PDE4D: variants seen among roughly 807,000 people sequenced by gnomAD.
The protein encoded by PDE4D is 3',5'-cyclic-AMP phosphodiesterase 4D.
Under a neutral mutation model 87.4 loss-of-function variants are expected in PDE4D, and 24 were observed. The observed-to-expected ratio is 0.27, with a 90% confidence interval of 0.20 to 0.39. PDE4D has a LOEUF of 0.39. Ranked by LOEUF, PDE4D falls within the 10% of genes least tolerant of loss-of-function variation. PDE4D has a pLI of 1.00. For synonymous variants in PDE4D, 384 were observed against 383.2 expected, an observed-to-expected ratio of 1.00 and a Z score of -0.02; for missense variants, 714 against 1,041.0, an observed-to-expected ratio of 0.69 and a Z score of 4.32.
At chr5:59,916,905 A>G (rs965501721) in intron 3 of PDE4D, among the ~76,000 whole-genome samples, 2 of 149,110 alleles carry the variant, frequency 1.3e-5, no homozygotes, top group Non-Finnish European at 3.0e-5. Context: ...TTCCTGCCTC[A>G]GCCTCCCAAG....
chr5:60,358,185 T>C (rs894073111), intron 1 of PDE4D, among the ~76,000 whole-genome samples: 5 of 152,166 alleles, frequency 3.3e-5, no homozygotes, highest in Non-Finnish European at 7.3e-5. Context: ...TCCTAGTGAC[T>C]GATGTGGTTG....
At chr5:59,587,083 C>T (rs1825260313) in intron 1 of PDE4D, 1 of 724,524 alleles carries the variant, frequency 1.4e-6, no homozygotes, top group Non-Finnish European at 1.7e-6. Flanking sequence ...TTACCATTAA[C>T]TACCATCATG....
At chr5:59,342,585 G>A (rs10471469) in intron 1 of PDE4D, among the ~76,000 whole-genome samples, 16,666 of 152,038 alleles carry the variant, frequency 0.11, 1,101 homozygotes, top group East Asian at 0.31. Context: ...GGAGGAATGG[G>A]ACAGAGTTTA....
chr5:59,637,324 G>A (rs1233886419), intron 1 of PDE4D, among the ~76,000 whole-genome samples: 1 of 152,158 alleles, frequency 6.6e-6, no homozygotes, highest in Non-Finnish European at 1.5e-5. Flanking sequence ...AACCATCGTG[G>A]AAGACAGTGT....
intron 1 of PDE4D, among the ~76,000 whole-genome samples, chr5:60,519,190 A>T (rs1561329229): frequency 6.6e-6 from 1 of 152,218 alleles, no homozygotes; most frequent in East Asian, 1.9e-4. Flanking sequence ...ACATTTAGAC[A>T]TTGCTTATGT....
chr5:59,859,955 A>G lies in PDE4D; in HGVS notation c.455+33213T>C, dbSNP rs374096118. Among the ~76,000 whole-genome samples the G allele has an allele frequency of 3.9e-5, 6 of 152,364 alleles. No individual in the cohort carries two copies. In the East Asian group the frequency reaches 1.2e-3, roughly 29 times the overall value. On this transcript the variant is annotated intron_variant, in intron 1 of 14. Coordinates refer to ENST00000340635, the MANE Select transcript of PDE4D (RefSeq NM_001104631.2). ...GGGATTGTAGTTGGAAGAGGCCCAC[A>G]GACTCTTAAACAGAATTTGGGAAGA... is the stretch of plus-strand genomic sequence containing the variant.
intron 1 of PDE4D, among the ~76,000 whole-genome samples, chr5:59,571,459 T>C (rs1385654481): frequency 1.3e-5 from 2 of 152,202 alleles, no homozygotes; most frequent in African/African-American, 4.8e-5. Context: ...TATAATGAAC[T>C]TGAATGAAGA....
intron 1 of PDE4D, among the ~76,000 whole-genome samples, chr5:59,826,597 T>C (rs1040624572): frequency 6.6e-6 from 1 of 152,046 alleles, no homozygotes; most frequent in Middle Eastern, 3.2e-3. Context: ...TTTGAATAAG[T>C]ACCAAGTACC....
chr5:60,112,540 A>C lies in PDE4D; in HGVS notation c.42+73017T>G, dbSNP rs1777781755. Among the ~76,000 whole-genome samples, 5 of 152,180 alleles carry C rather than the reference A, an allele frequency of 3.3e-5. No individual in the cohort carries two copies. The South Asian group carries it at 1.0e-3, about 32-fold the overall frequency. ...AGTCACAACTTGAATGACTTATTTTATTGGGTATTCTACTTAGTCAAAATA... is the reference window on the plus strand; with the variant it reads ...AGTCACAACTTGAATGACTTATTTTCTTGGGTATTCTACTTAGTCAAAATA... On this transcript the variant is annotated intron_variant, in intron 2 of 16. Transcript: ENST00000502484.
chr5:59,214,874 A>G (rs1750880156), intron 2 of PDE4D, among the ~76,000 whole-genome samples: 1 of 152,206 alleles, frequency 6.6e-6, no homozygotes, highest in Non-Finnish European at 1.5e-5. Context: ...GGCAAGAATA[A>G]CACTAGACAC....
At chr5:59,176,245 C>T (rs1783867935) in intron 5 of PDE4D, among the ~76,000 whole-genome samples, 1 of 151,502 alleles carries the variant, frequency 6.6e-6, no homozygotes, top group South Asian at 2.1e-4. Context: ...AGCTTTAAAA[C>T]CCTAATGCTA....
intron 1 of PDE4D, among the ~76,000 whole-genome samples, chr5:59,872,931 G>A (rs982609915): frequency 2.6e-5 from 4 of 152,036 alleles, no homozygotes; most frequent in African/African-American, 9.7e-5. Context: ...CACCCTCTTA[G>A]ATACAACGAA....
chr5:59,582,379 T>C (rs1046197946), intron 1 of PDE4D, among the ~76,000 whole-genome samples: 29 of 152,156 alleles, frequency 1.9e-4, no homozygotes, highest in Non-Finnish European at 3.2e-4. Context: ...TTTCTGTAAT[T>C]TCAATGTATG....
At chr5:59,454,743 G>A (rs1384578853) in intron 1 of PDE4D, among the ~76,000 whole-genome samples, 1 of 152,198 alleles carries the variant, frequency 6.6e-6, no homozygotes. Flanking sequence ...ACTTCCTAGA[G>A]ACATGTTGAG....
At chr5:59,887,575 T>C (rs1452941219) in intron 1 of PDE4D, among the ~76,000 whole-genome samples, 2 of 152,198 alleles carry the variant, frequency 1.3e-5, no homozygotes, top group African/African-American at 4.8e-5. Context: ...ATGATAGACT[T>C]CAGACATTTA....
chr5:59,944,916 A>T (rs1757576481), intron 3 of PDE4D, among the ~76,000 whole-genome samples: 1 of 152,132 alleles, frequency 6.6e-6, no homozygotes, highest in South Asian at 2.1e-4. Flanking sequence ...TTAAACTCTG[A>T]TGTGTTTAAA....
intron 3 of PDE4D, among the ~76,000 whole-genome samples, chr5:59,967,526 A>G (rs1229668788): frequency 6.6e-6 from 1 of 152,182 alleles, no homozygotes; most frequent in East Asian, 1.9e-4. Flanking sequence ...ATCATCAGAG[A>G]AATGCAAATC....
At chr5:59,731,507 C>G (rs10052716) in intron 1 of PDE4D, among the ~76,000 whole-genome samples, 1 of 152,048 alleles carries the variant, frequency 6.6e-6, no homozygotes, top group African/African-American at 2.4e-5. Context: ...ACCAACAAAC[C>G]CTTAGATGAT....
chr5:59,927,385 A>G (rs1168796772), intron 3 of PDE4D, among the ~76,000 whole-genome samples: 1 of 152,220 alleles, frequency 6.6e-6, no homozygotes, highest in African/African-American at 2.4e-5. Context: ...AACATCCTGC[A>G]TTCTTGTACT....
Sources: allele counts gnomAD v4.1 joint callset (sites outside exome capture counted in the v4.1 genomes callset), GRCh38; gene constraint gnomAD v4.1.1; transcripts MANE v1.5; gene names NCBI Gene and HGNC (gene_info 2026-07-23, HGNC 2026-07-21).